The following SYNE2 variants were observed in gnomAD, a reference collection of about 807,000 sequenced individuals.
SYNE2 encodes the protein spectrin repeat containing nuclear envelope protein 2.
A neutral mutation model predicts 856.3 loss-of-function variants in SYNE2; 431 were observed. That is an observed-to-expected ratio of 0.50 (90% CI 0.47 to 0.55). The LOEUF is 0.55. SYNE2 is among the 20% of genes least tolerant of loss of function. The pLI is 0.00. For synonymous variants in SYNE2, 2,923 were observed against 2,872.3 expected (o/e 1.02, Z -0.56); for missense variants, 8,129 against 8,023.2 (o/e 1.01, Z -0.50).
In SYNE2 at chr14:64,102,009, C is replaced by G. The variant is rs143766835; in HGVS notation, c.12459C>G (p.Asp4153Glu). The G allele has an allele frequency of 1.3e-5, 21 of 1,613,930 alleles. No individual in the cohort carries two copies. The South Asian group carries it at 2.2e-4, about 17-fold the overall frequency. Reference protein sequence around the residue: ...LWKHDKDMEEDRASSSSGTIV... With the variant: ...LWKHDKDMEEERASSSSGTIV... ...AGCATGACAAGGACATGGAAGAAGA[C>G]AGAGCTTCCTCATCCTCTGGAACAA... is the stretch of plus-strand genomic sequence containing the variant. Residue 4153 changes from aspartate (D) to glutamate (E), a missense_variant, in exon 64 of 116, where the codon GAC (aspartate) becomes GAG (glutamate). By Grantham distance (45) the Asp-to-Glu change is conservative. Coordinates refer to ENST00000555002, the MANE Select transcript of SYNE2 (RefSeq NM_182914.3).
At chr14:64,164,555 C>T (rs369668667) in intron 89 of SYNE2, among the ~76,000 whole-genome samples, 15 of 152,264 alleles carry the variant, frequency 9.9e-5, no homozygotes, top group African/African-American at 3.4e-4. Flanking sequence ...AGCCTTCATT[C>T]ACTTTTTATA....
At chr14:64,085,483 A>G (rs2097554334) in intron 57 of SYNE2, among the ~76,000 whole-genome samples, 1 of 152,228 alleles carries the variant, frequency 6.6e-6, no homozygotes, top group Non-Finnish European at 1.5e-5. Flanking sequence ...GTGAATGTTT[A>G]TATATAAATC....
At chr14:64,118,238 C>T (rs987037544) in intron 66 of SYNE2, among the ~76,000 whole-genome samples, 1 of 151,882 alleles carries the variant, frequency 6.6e-6, no homozygotes. Context: ...TTGCTGCTGA[C>T]GTGAGTGCCC....
chr14:64,155,006 C>T (rs1849309180), intron 85 of SYNE2, among the ~76,000 whole-genome samples: 1 of 152,128 alleles, frequency 6.6e-6, no homozygotes, highest in Admixed American at 6.6e-5. Context: ...GATGTGGAGA[C>T]GTAACCCTCA....
intron 109 of SYNE2, 46 bp from the exon 110 acceptor site, chr14:64,219,162 T>A: frequency 8.2e-7 from 1 of 1,216,226 alleles, no homozygotes; most frequent in Non-Finnish European, 1.2e-6. Context: ...GGCAGAGAAA[T>A]CTGTTGCATT....
In SYNE2 at chr14:64,024,274, A is replaced by G. The variant is rs2096960434; in HGVS notation, c.5655A>G (p.Glu1885=). 6.2e-7 allele frequency: 1 copy of G among 1,613,914 alleles called. No homozygotes were observed. Among genetic ancestry groups the G allele is most frequent in the South Asian group, 1.1e-5 (1 of 91,072 alleles). Residue 1885 remains glutamate, a synonymous_variant, in exon 39 of 116, where the codon GAA becomes GAG. Transcript: ENST00000555002. ...LQKLSDFLTL[E]GRNSKIKQVD... ...TTCTGAAGGATTTCTTGACTCTTGA[A>G]GGAAGAAACAGTAAAATAAAGCAGG...
At chr14:64,174,014 C>T in intron 94 of SYNE2, 1 of 635,648 alleles carries the variant, frequency 1.6e-6, no homozygotes, top group Non-Finnish European at 2.8e-6. Context: ...GGAGCTGTAA[C>T]ACCGCCACTA....
At chr14:63,946,940 C>T (rs1457493938) in intron 6 of SYNE2, among the ~76,000 whole-genome samples, 1 of 151,966 alleles carries the variant, frequency 6.6e-6, no homozygotes, top group Non-Finnish European at 1.5e-5. Context: ...ATGTCTGTCT[C>T]CTGGGTTCAA....
intron 2 of SYNE2, among the ~76,000 whole-genome samples, chr14:63,931,318 G>A (rs1445852638): frequency 1.3e-5 from 2 of 152,038 alleles, no homozygotes; most frequent in African/African-American, 4.8e-5. Context: ...TTGGGAGACC[G>A]AGGCAGGTGG....
At chr14:63,803,484 C>A (rs1384626986) in intron 1 of SYNE2, among the ~76,000 whole-genome samples, 1 of 152,242 alleles carries the variant, frequency 6.6e-6, no homozygotes, top group Non-Finnish European at 1.5e-5. Context: ...GGACCCAGTA[C>A]ACCCTCCGCA....
intron 45 of SYNE2, among the ~76,000 whole-genome samples, chr14:64,042,109 G>A (rs548434658): frequency 6.6e-6 from 1 of 152,232 alleles, no homozygotes; most frequent in African/African-American, 2.4e-5. Flanking sequence ...TTCCACAGTA[G>A]TCTAACAGAT....
At chr14:63,798,737 A>G (rs1395054845) in intron 1 of SYNE2, among the ~76,000 whole-genome samples, 1 of 151,880 alleles carries the variant, frequency 6.6e-6, no homozygotes, top group Non-Finnish European at 1.5e-5. Context: ...TCTGGACTCT[A>G]CCCTGGGGTC....
At chr14:63,991,873 T>C (rs2096669091) in intron 21 of SYNE2, among the ~76,000 whole-genome samples, 1 of 152,190 alleles carries the variant, frequency 6.6e-6, no homozygotes, top group African/African-American at 2.4e-5. Context: ...ATTGCCCCAT[T>C]CCTGCGCCTA....
rs1035436734 is a variant in SYNE2, at chr14:64,052,961, A to G, written c.9048A>G (p.Gln3016=). 2 of 1,610,674 alleles carry G rather than the reference A, an allele frequency of 1.2e-6. No homozygotes were observed. Among genetic ancestry groups the G allele is most frequent in the Non-Finnish European group, 1.7e-6 (2 of 1,179,254 alleles). ...TTGGACTAAACTGGGATTTTTCACAACTTGACCAATTACAAACCCAAGTAT... is the reference window on the plus strand; with the variant it reads ...TTGGACTAAACTGGGATTTTTCACAGCTTGACCAATTACAAACCCAAGTAT... ...DYIGLNWDFS[Q]LDQLQTQVFE... The change falls in exon 48 of 116, where the codon CAA becomes CAG. Residue 3016 remains glutamine, a synonymous_variant. Coordinates refer to ENST00000555002, the MANE Select transcript of SYNE2 (RefSeq NM_182914.3).
intron 1 of SYNE2, among the ~76,000 whole-genome samples, chr14:63,865,257 A>C (rs1894903663): frequency 7.7e-6 from 1 of 130,428 alleles, no homozygotes; most frequent in African/African-American, 3.0e-5. Flanking sequence ...TATGAGCCCT[A>C]ATTCTTCAGG....
intron 12 of SYNE2, among the ~76,000 whole-genome samples, chr14:63,976,981 T>TA (rs1482722969): frequency 2.9e-4 from 37 of 129,134 alleles, no homozygotes; most frequent in African/African-American, 9.7e-4. Flanking sequence ...AATAAAGTCT[T>TA]ACCAAAAAAA....
intron 32 of SYNE2, among the ~76,000 whole-genome samples, chr14:64,010,528 A>C (rs1016022769): frequency 6.6e-6 from 1 of 152,192 alleles, no homozygotes; most frequent in African/African-American, 2.4e-5. Context: ...ATTTTCTGTG[A>C]AGATGTGCAA....
chr14:64,224,594 A>G (rs764126036), intron 114 of SYNE2, 47 bp downstream of exon 114: 3 of 1,605,352 alleles, frequency 1.9e-6, no homozygotes, highest in East Asian at 2.2e-5. Context: ...TTATTTTTTA[A>G]AGTCACTAAG....
At position 64,209,452 on chromosome 14, in the gene SYNE2, G is replaced by A. The variant is rs1385296320; in HGVS notation, c.18414G>A (p.Trp6138Ter). The A allele has an allele frequency of 6.2e-7, 1 of 1,614,224 alleles. No homozygotes were observed. Residue 6138 changes from tryptophan (W) to a stop codon, truncating the protein, a stop_gained, in exon 102 of 116, where the codon TGG (tryptophan) becomes TGA (stop). Coordinates refer to ENST00000555002, the MANE Select transcript of SYNE2 (RefSeq NM_182914.3). LOFTEE classifies it high-confidence loss of function. The part of the protein sequence containing the change: ...RMKIEETWRL[W>*]QKFLDDYSRF... ...GAATCGAGGAGACGTGGCGCCTGTGGCAGAAGTTTTTAGACGACTATTCTC... is the reference window on the plus strand; with the variant it reads ...GAATCGAGGAGACGTGGCGCCTGTGACAGAAGTTTTTAGACGACTATTCTC...
Sources: gnomAD v4.1 joint callset for allele counts (sites outside exome capture counted in the v4.1 genomes callset) on GRCh38, gnomAD v4.1.1 for gene constraint, MANE v1.5 for transcripts, NCBI Gene and HGNC (gene_info 2026-07-23, HGNC 2026-07-21) for gene names.